SERPINB7: variants seen among roughly 807,000 people sequenced by gnomAD.
SERPINB7 encodes the protein serpin B7.
A neutral mutation model predicts 37.4 loss-of-function variants in SERPINB7; 31 were observed. The observed-to-expected ratio is 0.83, with a 90% CI of 0.62 to 1.12. SERPINB7 has a LOEUF of 1.12. Among genes scored for constraint, SERPINB7 ranks in the 50% most tolerant of loss-of-function variants. The pLI, the probability that SERPINB7 is intolerant of heterozygous loss-of-function variation, is 0.00. For synonymous variants in SERPINB7, 163 were observed against 166.1 expected (o/e 0.98, Z 0.14); for missense variants, 521 against 455.3 (o/e 1.14, Z -1.31).
chr18:63,798,718 C>G lies in SERPINB7; in HGVS notation c.569C>G (p.Thr190Ser), dbSNP rs2049515742. ...KWQSAFTKSE[T>S]INCHFKSPKC... ...CAATCAGCCTTCACCAAGAGCGAAACCATAAATTGCCATTTCAAATCTCCC... is the reference window on the plus strand; with the variant it reads ...CAATCAGCCTTCACCAAGAGCGAAAGCATAAATTGCCATTTCAAATCTCCC... The change falls in exon 6 of 8, where the codon ACC becomes AGC. Residue 190 changes from threonine to serine, a missense_variant. Coordinates refer to ENST00000398019, the MANE Select transcript of SERPINB7 (RefSeq NM_003784.4). 6.2e-7 allele frequency: 1 copy of G among 1,612,426 alleles called. No homozygotes were observed. The highest frequency in any genetic ancestry group is 1.3e-5 in the African/African-American group (1 of 74,814).
At chr18:63,754,648 A>G (rs781237525) in intron 1 of SERPINB7, among the ~76,000 whole-genome samples, 2 of 152,134 alleles carry the variant, frequency 1.3e-5, no homozygotes, top group Admixed American at 6.6e-5. Context: ...CCCTCCACCC[A>G]GCAGACCTTG....
At chr18:63,794,070 A>G (rs1483884141) in intron 4 of SERPINB7, among the ~76,000 whole-genome samples, 1 of 149,890 alleles carries the variant, frequency 6.7e-6, no homozygotes, top group Non-Finnish European at 1.5e-5. Flanking sequence ...CAGCTTCCCA[A>G]GTAGCTGGGA....
intron 2 of SERPINB7, among the ~76,000 whole-genome samples, chr18:63,790,661 C>T (rs1374435599): frequency 1.3e-5 from 2 of 152,066 alleles, no homozygotes; most frequent in African/African-American, 4.8e-5. Flanking sequence ...TTTGTATTCT[C>T]GATAAGCTGA....
intron 1 of SERPINB7, among the ~76,000 whole-genome samples, chr18:63,762,984 G>A (rs2049162304): frequency 6.6e-6 from 1 of 152,142 alleles, no homozygotes; most frequent in African/African-American, 2.4e-5. Context: ...TTGAGGTTAG[G>A]TCATATTCCT....
chr18:63,757,800 C>T (rs1399489096), intron 1 of SERPINB7, among the ~76,000 whole-genome samples: 1 of 152,236 alleles, frequency 6.6e-6, no homozygotes, highest in East Asian at 1.9e-4. Flanking sequence ...TTTCATTTAA[C>T]TGTAAGCACT....
In SERPINB7 at chr18:63,798,688, A is replaced by G. The variant is rs1272191405; in HGVS notation, c.539A>G (p.Lys180Arg). ...VLVNAVYFKG[K>R]WQSAFTKSET... ...GTGAATGCTGTGTACTTCAAAGGCA[A>G]GTGGCAATCAGCCTTCACCAAGAGC... The change falls in exon 6 of 8, where the codon AAG becomes AGG. Residue 180 changes from lysine to arginine, a missense_variant. Physicochemically the swap from Lys to Arg is conservative, Grantham distance 26. Transcript: ENST00000398019. The G allele has an allele frequency of 5.0e-6, 8 of 1,613,190 alleles. No individual in the cohort carries two copies. The Admixed American group carries it at 5.0e-5, about 10-fold the overall frequency.
chr18:63,796,283 C>T lies in SERPINB7; in HGVS notation c.354C>T (p.Ala118=), dbSNP rs766159379. Reference sequence around the variant, plus strand: ...CTTTATAGGACTACATTGAGTGTGCCGAAAAATTATACGATGCCAAAGTGG... The same window carrying T: ...CTTTATAGGACTACATTGAGTGTGCTGAAAAATTATACGATGCCAAAGTGG... ...YGFHKDYIEC[A]EKLYDAKVER... is the part of the protein sequence containing the mutation. Residue 118 remains alanine, a synonymous_variant, in exon 5 of 8, where the codon GCC becomes GCT. Coordinates refer to ENST00000398019, the MANE Select transcript of SERPINB7 (RefSeq NM_003784.4). 1.6e-5 allele frequency: 26 copies of T among 1,609,446 alleles called. No homozygotes were observed. Among genetic ancestry groups the T allele is most frequent in the African/African-American group, 9.4e-5 (7 of 74,710 alleles).
chr18:63,779,094 A>C (rs1008675533), intron 1 of SERPINB7, among the ~76,000 whole-genome samples: 1 of 152,150 alleles, frequency 6.6e-6, no homozygotes, highest in Admixed American at 6.5e-5. Context: ...TTCTTTAGGT[A>C]GCTTTAATGT....
chr18:63,765,118 T>C (rs924120611), intron 1 of SERPINB7, among the ~76,000 whole-genome samples: 1 of 152,156 alleles, frequency 6.6e-6, no homozygotes, highest in African/African-American at 2.4e-5. Context: ...CCCACAATTG[T>C]AGATTCAACT....
intron 2 of SERPINB7, among the ~76,000 whole-genome samples, chr18:63,784,771 G>T (rs1026114643): frequency 6.6e-6 from 1 of 152,204 alleles, no homozygotes; most frequent in African/African-American, 2.4e-5. Context: ...CCTTACAGTT[G>T]TCACTGTTCA....
chr18:63,785,132 A>G (rs551092323), intron 2 of SERPINB7, among the ~76,000 whole-genome samples: 1 of 152,342 alleles, frequency 6.6e-6, no homozygotes, highest in Admixed American at 6.5e-5. Context: ...ACAGACACAA[A>G]AACATTCATC....
At chr18:63,767,600 C>T (rs949312192) in intron 1 of SERPINB7, among the ~76,000 whole-genome samples, 2 of 152,084 alleles carry the variant, frequency 1.3e-5, no homozygotes, top group East Asian at 1.9e-4. Context: ...GCATTACTAA[C>T]ATAAATCCTT....
chr18:63,795,841 A>T (rs1599018120), intron 4 of SERPINB7, among the ~76,000 whole-genome samples: 1 of 152,206 alleles, frequency 6.6e-6, no homozygotes, highest in South Asian at 2.1e-4. Flanking sequence ...GGTGGGGATC[A>T]GCAGAGTCTT....
At chr18:63,800,724 C>T (rs1410948732) in intron 6 of SERPINB7, 142 bp from the exon 7 acceptor site, 1 of 777,946 alleles carries the variant, frequency 1.3e-6, no homozygotes, top group Non-Finnish European at 2.0e-6. Context: ...AATGCAACCA[C>T]TATTGGTAAC....
rs1415111095 is a variant in SERPINB7, at chr18:63,792,404, TA to T, written c.182del (p.Asn61ThrfsTer20). On this transcript the variant is annotated frameshift_variant, in exon 3 of 8. Transcript: ENST00000398019. LOFTEE classifies it high-confidence loss of function. ...LSQIDKLLHV[N>X]TASGYGNSSN... is the part of the protein sequence containing the mutation. ...TGCCCTGTTTACAGTTGCTTCATGT[TA>T]ACACTGCCTCAGGATATGGAAACTC... 1 of 1,603,658 alleles carries T rather than the reference TA, an allele frequency of 6.2e-7. No homozygotes were observed. Among genetic ancestry groups the T allele is most frequent in the Non-Finnish European group, 8.5e-7 (1 of 1,170,586 alleles).
chr18:63,801,403 G>A (rs1324220826), intron 7 of SERPINB7, among the ~76,000 whole-genome samples: 1 of 152,142 alleles, frequency 6.6e-6, no homozygotes, highest in African/African-American at 2.4e-5. Flanking sequence ...GAGCCTTTTA[G>A]AATTAAAATG....
rs756339545 is a variant in SERPINB7, at chr18:63,804,566, C to G, written c.1074C>G (p.Asp358Glu). Residue 358 changes from aspartate (D) to glutamate (E), a missense_variant, in exon 8 of 8, where the codon GAC becomes GAG. Asp to Glu is a conservative substitution (Grantham distance 45). Transcript: ENST00000398019. ...QLPQSTLFRADHPFLFVIRKD... is the reference protein window; with the variant it reads ...QLPQSTLFRAEHPFLFVIRKD... ...CTCAGTCCACGCTGTTTAGAGCTGA[C>G]CACCCATTCCTATTTGTTATCAGGA... The G allele has an allele frequency of 1.2e-6, 2 of 1,613,384 alleles. No individual in the cohort carries two copies. Among genetic ancestry groups the G allele is most frequent in the South Asian group, 2.2e-5 (2 of 90,930 alleles).
intron 2 of SERPINB7, among the ~76,000 whole-genome samples, chr18:63,786,297 G>T (rs2049372402): frequency 1.3e-5 from 1 of 76,748 alleles, no homozygotes; most frequent in African/African-American, 1.6e-4. Context: ...ATATAGTTTG[G>T]ATTACACGTT....
intron 2 of SERPINB7, among the ~76,000 whole-genome samples, chr18:63,788,145 C>T (rs1445787515): frequency 2.0e-5 from 3 of 152,154 alleles, no homozygotes; most frequent in South Asian, 2.1e-4. Flanking sequence ...AATAAAAGTT[C>T]GCTGTGGAAC....
Sources: allele counts gnomAD v4.1 joint callset (sites outside exome capture counted in the v4.1 genomes callset), GRCh38; gene constraint gnomAD v4.1.1; transcripts MANE v1.5; gene names NCBI Gene and HGNC (gene_info 2026-07-23, HGNC 2026-07-21).